The following CLK1 variants were observed in gnomAD, a reference collection of about 807,000 sequenced individuals.
CLK1 encodes the protein dual specificity protein kinase CLK1.
A neutral mutation model predicts 60.9 loss-of-function variants in CLK1; 40 were observed. The ratio of observed to expected loss-of-function variants is 0.66; its 90% CI spans 0.51 to 0.86. The LOEUF (loss-of-function observed/expected upper bound fraction) is 0.86, where lower values mean the gene tolerates loss of function less well. Ranked by LOEUF, CLK1 falls within the 40% of genes least tolerant of loss-of-function variation. The pLI is 0.00. For missense variants in CLK1, 563 were observed against 606.1 expected (o/e 0.93, Z 0.75); for synonymous variants, 203 against 184.4 (o/e 1.10, Z -0.82).
At chr2:200,853,746 C>T (rs1046725125) in intron 12 of CLK1, among the ~76,000 whole-genome samples, 157 bp downstream of exon 12, 2 of 145,738 alleles carry the variant, frequency 1.4e-5, no homozygotes, top group African/African-American at 5.1e-5. Context: ...ACTTGGGAGG[C>T]TGAGACCTGC....
At chr2:200,854,817 GGACA>G in intron 10 of CLK1, 122 bp from the exon 11 acceptor site, 1 of 817,688 alleles carries the variant, frequency 1.2e-6, no homozygotes, top group Non-Finnish European at 2.0e-6. Context: ...TTCCCTACAT[GGACA>G]CGGATAATTG....
In CLK1 at chr2:200,864,646, C is replaced by T. The variant is rs1326731850; in HGVS notation, c.-83G>A. ...ATCACGCAGCTGACTGCGTCGCGCA[C>T]CAACAACAAAATGGAGCTGACAGCT... On this transcript the variant is annotated 5_prime_UTR_variant, in exon 1 of 13. In the 5' UTR this introduces an upstream ATG that the reference lacks. Coordinates refer to ENST00000321356, the MANE Select transcript of CLK1 (RefSeq NM_004071.4). 1 of 164,234 alleles carries T rather than the reference C, an allele frequency of 6.1e-6. No individual in the cohort carries two copies. Among genetic ancestry groups the T allele is most frequent in the Non-Finnish European group, 1.3e-5 (1 of 75,660 alleles). The allele number at this position is 164,234 out of a possible 1,614,324, so 10.2% of individuals were successfully genotyped here.
In CLK1 at chr2:200,858,095, A is replaced by G. The variant is rs749975354; in HGVS notation, c.549-6T>C. 28 of 1,557,528 alleles carry G rather than the reference A, an allele frequency of 1.8e-5. No homozygotes were observed. The South Asian group carries it at 2.1e-4, about 12-fold the overall frequency. ...CTGCTACATGTCTACCTCCCCTGTT[A>G]GAAAGATGCATGCAAATTTAAGAAT... On this transcript the variant is annotated splice_polypyrimidine_tract_variant and splice_region_variant and intron_variant, in intron 5 of 12. Coordinates refer to ENST00000321356, the MANE Select transcript of CLK1 (RefSeq NM_004071.4).
In CLK1 at chr2:200,860,223, C is replaced by T. The variant is rs768727753; in HGVS notation, c.391-8G>A. On this transcript the variant is annotated splice_region_variant and splice_polypyrimidine_tract_variant and intron_variant, in intron 3 of 12. Transcript: ENST00000321356. ...TTTCCTTCGGTGACTCTTCTGGAAA[C>T]GTCAAGTGGGCGGCACCAAGATCAT... 11 of 1,613,690 alleles carry T rather than the reference C, an allele frequency of 6.8e-6. No homozygotes were observed. The highest frequency in any genetic ancestry group is 2.2e-5 in the East Asian group (1 of 44,890).
chr2:200,864,288 G>GCGC (rs2039193733), intron 1 of CLK1: 4 of 1,485,748 alleles, frequency 2.7e-6, no homozygotes, highest in South Asian at 2.6e-5. Flanking sequence ...GCGTCAGGCG[G>GCGC]CGCCGCTTCC....
intron 5 of CLK1, among the ~76,000 whole-genome samples, chr2:200,859,067 A>G (rs2105739084): frequency 6.6e-6 from 1 of 152,186 alleles, no homozygotes; most frequent in East Asian, 1.9e-4. Context: ...CTGTAGTTCC[A>G]GCTACTCAGG....
At chr2:200,864,058 A>G (rs1227836732) in intron 1 of CLK1, 6 of 1,522,990 alleles carry the variant, frequency 3.9e-6, no homozygotes, top group African/African-American at 1.4e-5. Context: ...ATCATTAGAC[A>G]TTAACTGTAA....
Position 200,861,411 on chromosome 2 carries a change from T to C in CLK1, c.217A>G (p.Ile73Val). 1.2e-6 allele frequency: 2 copies of C among 1,614,190 alleles called. No homozygotes were observed. The highest frequency in any genetic ancestry group is 1.3e-5 in the African/African-American group (1 of 75,064). ...NEKDYHSRRYIDEYRNDYTQG... is the reference protein window; with the variant it reads ...NEKDYHSRRYVDEYRNDYTQG... Reference sequence around the variant, plus strand: ...GTGTAGTCATTTCTGTACTCATCAATGTAGCGTCGACTATGATAATCTTTC... The same window carrying C: ...GTGTAGTCATTTCTGTACTCATCAACGTAGCGTCGACTATGATAATCTTTC... Residue 73 changes from isoleucine to valine, a missense_variant, in exon 3 of 13, where the codon ATT (isoleucine) becomes GTT (valine). By Grantham distance (29) the Ile-to-Val change is conservative. Coordinates refer to ENST00000321356, the MANE Select transcript of CLK1 (RefSeq NM_004071.4).
intron 3 of CLK1, chr2:200,860,650 A>G (rs1232337772): frequency 3.0e-6 from 3 of 997,480 alleles, no homozygotes. Flanking sequence ...AAGAAAACAA[A>G]TATTATAACA....
intron 5 of CLK1, among the ~76,000 whole-genome samples, chr2:200,859,174 T>G (rs1237607689): frequency 6.6e-6 from 1 of 151,784 alleles, no homozygotes; most frequent in Non-Finnish European, 1.5e-5. Context: ...AGAGCGAGAC[T>G]CTGTCTCGAG....
intron 5 of CLK1, among the ~76,000 whole-genome samples, chr2:200,859,201 A>G (rs2105739208): frequency 6.6e-6 from 1 of 152,252 alleles, no homozygotes; most frequent in South Asian, 2.1e-4. Context: ...AAAAATTTCA[A>G]TCAGTAGTTT....
chr2:200,853,956 C>T lies in CLK1; in HGVS notation c.1258G>A (p.Asp420Asn). 2.5e-6 allele frequency: 4 copies of T among 1,611,602 alleles called. No homozygotes were observed. Among genetic ancestry groups the T allele is most frequent in the Non-Finnish European group, 3.4e-6 (4 of 1,178,810 alleles). ...KYFHHDRLDW[D>N]EHSSAGRYVS... ...TATCTGCCGGCAGAACTGTGTTCAT[C>T]CCAGTCTAATCGATCGTGGTGAAAA... Residue 420 changes from aspartate (D) to asparagine (N), a missense_variant, in exon 12 of 13, where the codon GAT becomes AAT. By Grantham distance (23) the Asp-to-Asn change is conservative. Coordinates refer to ENST00000321356, the MANE Select transcript of CLK1 (RefSeq NM_004071.4).
At chr2:200,854,770 A>C (rs1225619433) in intron 10 of CLK1, 75 bp from the exon 11 acceptor site, 1 of 1,097,988 alleles carries the variant, frequency 9.1e-7, no homozygotes, top group African/African-American at 1.6e-5. Context: ...CAGCAAAAAA[A>C]CTAACATTAA....
At chr2:200,857,931 A>T in intron 6 of CLK1, 42 bp downstream of exon 6, 3 of 1,611,026 alleles carry the variant, frequency 1.9e-6, no homozygotes, top group Non-Finnish European at 2.5e-6. Context: ...CCTAATTTAA[A>T]TATACCTGAT....
At chr2:200,857,637 A>G in intron 7 of CLK1, 81 bp downstream of exon 7, 6 of 1,194,214 alleles carry the variant, frequency 5.0e-6, no homozygotes, top group Non-Finnish European at 6.9e-6. Context: ...TCAAATAAAA[A>G]TTGTACACAC....
In CLK1 at chr2:200,855,975, C is replaced by T. The variant is rs532430121; in HGVS notation, c.1057+707G>A. Among the ~76,000 whole-genome samples, 6 of 151,252 alleles carry T rather than the reference C, an allele frequency of 4.0e-5. No homozygotes were observed. The East Asian group carries it at 1.2e-3, about 30-fold the overall frequency. ...AGTGAGCCAAGATTGCACCACTGCA[C>T]TCCAGCCTGGGCGACAGAGTAAGTC... is the stretch of plus-strand genomic sequence containing the variant. On this transcript the variant is annotated intron_variant, in intron 9 of 12. Transcript: ENST00000321356.
rs371057577 is a variant in CLK1, at chr2:200,857,737, C to T, written c.813G>A (p.Gln271=). The stretch of plus-strand genomic sequence containing the variant: ...ACTTACAATTCACAGACTTGCATAT[C>T]TGATATGCCATCTTTCTGATATGAT... ...RLDHIRKMAY[Q]ICKSVNFLHS... The change falls in exon 7 of 13, where the codon CAG becomes CAA. Residue 271 remains glutamine (Q), a synonymous_variant. Coordinates refer to ENST00000321356, the MANE Select transcript of CLK1 (RefSeq NM_004071.4). 2 of 1,599,454 alleles carry T rather than the reference C, an allele frequency of 1.3e-6. No homozygotes were observed. Among genetic ancestry groups the T allele is most frequent in the African/African-American group, 1.3e-5 (1 of 74,484 alleles).
At position 200,853,187 on chromosome 2, in the gene CLK1, T is replaced by G. The variant is rs7224; in HGVS notation, c.*119A>C. 49,779 of 734,964 alleles carry G rather than the reference T, an allele frequency of 0.068. 2,098 individuals are homozygous for G. Among genetic ancestry groups the G allele is most frequent in the South Asian group, 0.098 (4,071 of 41,526 alleles). The allele number at this position is 734,964 out of a possible 1,614,324, so 45.5% of individuals were successfully genotyped here. ...AATGAACCAAATTACCCAAACAAAA[T>G]AAACATGGCAATATAAAAATGTTAA... is the stretch of plus-strand genomic sequence containing the variant. On this transcript the variant is annotated 3_prime_UTR_variant, in exon 13 of 13. Transcript: ENST00000321356.
chr2:200,858,148 T>G, intron 5 of CLK1, 59 bp from the exon 6 acceptor site: 1 of 1,102,860 alleles, frequency 9.1e-7, no homozygotes, highest in Non-Finnish European at 1.4e-6. Flanking sequence ...ATTCCAGGTA[T>G]TACTGTCTTC....
Sources: allele counts gnomAD v4.1 joint callset (sites outside exome capture counted in the v4.1 genomes callset), GRCh38; gene constraint gnomAD v4.1.1; transcripts MANE v1.5; gene names NCBI Gene and HGNC (gene_info 2026-07-23, HGNC 2026-07-21).